AGBL1: variants seen among roughly 807,000 people sequenced by gnomAD.
The protein encoded by AGBL1 is cytosolic carboxypeptidase 4.
AGBL1 carries 130 observed loss-of-function variants against 118.9 expected under a neutral mutation model. The ratio of observed to expected loss-of-function variants is 1.09; its 90% CI spans 0.95 to 1.26. The LOEUF is 1.26. Among genes scored for constraint, AGBL1 ranks in the 50% most tolerant of loss-of-function variants. The pLI is 0.00. For missense variants in AGBL1, 1,584 were observed against 1,298.1 expected, an observed-to-expected ratio of 1.22 and a Z score of -3.38; for synonymous variants, 555 against 478.9, an observed-to-expected ratio of 1.16 and a Z score of -2.08.
At position 86,913,037 on chromosome 15, in the gene AGBL1, T is replaced by G. The variant is rs542710898; in HGVS notation, c.*5743T>G. ...GTTCTTTAGAAAAGAAAAAATAGAG[T>G]GGTAAAAGGGAATTTTGAGATAAAA... On this transcript the variant is annotated 3_prime_UTR_variant, in exon 23 of 23. Coordinates refer to ENST00000614907, the MANE Select transcript of AGBL1 (RefSeq NM_001386094.1). The G allele has an allele frequency of 5.3e-5, 8 of 151,972 alleles. No homozygotes were observed. The East Asian group carries it at 1.4e-3, about 26-fold the overall frequency. 9.4% of individuals were successfully genotyped at this position (151,972 alleles called of 1,614,324 possible).
chr15:86,788,627 A>G (rs1012407480), intron 22 of AGBL1, among the ~76,000 whole-genome samples: 9 of 152,218 alleles, frequency 5.9e-5, no homozygotes, highest in African/African-American at 1.9e-4. Flanking sequence ...TAGTAAATAA[A>G]CATACAAAAT....
chr15:86,859,994 T>C (rs1021280642), intron 22 of AGBL1, among the ~76,000 whole-genome samples: 1 of 152,230 alleles, frequency 6.6e-6, no homozygotes, highest in Non-Finnish European at 1.5e-5. Flanking sequence ...TAGTTGAACA[T>C]GTTCAGGCAT....
At chr15:87,031,135 C>T (rs1001479712), downstream of AGBL1, among the ~76,000 whole-genome samples, 2 of 151,960 alleles carry the variant, frequency 1.3e-5, no homozygotes, top group Non-Finnish European at 2.9e-5. Flanking sequence ...TTCAACCTTC[C>T]CTTATCTTTT....
intron 1 of AGBL1, among the ~76,000 whole-genome samples, chr15:86,095,014 A>G (rs1896266943): frequency 6.6e-6 from 1 of 152,152 alleles, no homozygotes; most frequent in African/African-American, 2.4e-5. Context: ...AGGTTTGATA[A>G]TTTGCTAGAA....
At chr15:86,526,569 T>TATATATATAC (rs1285054842) in intron 19 of AGBL1, among the ~76,000 whole-genome samples, 1 of 133,940 alleles carries the variant, frequency 7.5e-6, no homozygotes, top group African/African-American at 3.1e-5. Context: ...TATATATATA[T>TATATATATAC]ATATACACAC....
At chr15:86,666,344 CAAAG>C (rs1348584069) in intron 21 of AGBL1, among the ~76,000 whole-genome samples, 2 of 152,028 alleles carry the variant, frequency 1.3e-5, no homozygotes, top group Admixed American at 6.6e-5. Context: ...CTGGTTTAAA[CAAAG>C]AAAATTGATT....
intron 22 of AGBL1, among the ~76,000 whole-genome samples, chr15:86,687,603 A>C (rs2086082912): frequency 6.6e-6 from 1 of 152,160 alleles, no homozygotes; most frequent in South Asian, 2.1e-4. Flanking sequence ...TGGCCTGTGA[A>C]TAGACAAATC....
intron 5 of AGBL1, among the ~76,000 whole-genome samples, chr15:86,160,310 A>G (rs981959622): frequency 2.0e-5 from 3 of 152,032 alleles, no homozygotes; most frequent in Admixed American, 1.3e-4. Context: ...CTATGATTAT[A>G]TTTTACTCTG....
intron 18 of AGBL1, among the ~76,000 whole-genome samples, chr15:86,415,532 A>G (rs1053905251): frequency 3.9e-5 from 6 of 152,220 alleles, no homozygotes; most frequent in African/African-American, 1.4e-4. Context: ...AAGAACAGTT[A>G]TTATACTTTA....
intron 18 of AGBL1, among the ~76,000 whole-genome samples, chr15:86,487,401 CG>C (rs1212210277): frequency 6.6e-6 from 1 of 151,992 alleles, no homozygotes; most frequent in Non-Finnish European, 1.5e-5. Flanking sequence ...ATGTGCAGAA[CG>C]ATGGTGAAAA....
intron 5 of AGBL1, among the ~76,000 whole-genome samples, chr15:86,182,915 A>C (rs775828979): frequency 6.6e-6 from 1 of 152,218 alleles, no homozygotes; most frequent in Non-Finnish European, 1.5e-5. Context: ...GTCTATACCC[A>C]TAGCAAGAGA....
chr15:86,330,145 G>A (rs1294514363), intron 17 of AGBL1, among the ~76,000 whole-genome samples: 1 of 152,190 alleles, frequency 6.6e-6, no homozygotes, highest in Non-Finnish European at 1.5e-5. Flanking sequence ...CCTGGGAGCT[G>A]AGCAGGGAGT....
chr15:86,579,642 CA>C (rs1357707309), intron 21 of AGBL1, among the ~76,000 whole-genome samples: 2 of 152,108 alleles, frequency 1.3e-5, no homozygotes, highest in Non-Finnish European at 2.9e-5. Context: ...TTATTTCAGA[CA>C]CAGTAAGAAT....
intron 21 of AGBL1, among the ~76,000 whole-genome samples, chr15:86,625,379 G>GTTTTTT (rs1199638580): frequency 1.7e-5 from 1 of 59,472 alleles, no homozygotes; most frequent in Non-Finnish European, 2.8e-5. Flanking sequence ...TTTTTTTTTT[G>GTTTTTT]TTTTTGTTTT....
Position 86,469,004 on chromosome 15 carries a change from A to G in AGBL1, c.2556-53806A>G, listed in dbSNP as rs11853438. Among the ~76,000 whole-genome samples the G allele has an allele frequency of 8.9e-3, 1,359 of 152,280 alleles. 22 individuals are homozygous for G. The highest frequency in any genetic ancestry group is 0.031 in the African/African-American group (1,281 of 41,566). ...TGCACAATGTGATGTTTAGATATATATATTCATTGTGAAATGGTTAAATGC... is the reference window on the plus strand; with the variant it reads ...TGCACAATGTGATGTTTAGATATATGTATTCATTGTGAAATGGTTAAATGC... On this transcript the variant is annotated intron_variant, in intron 18 of 22. Transcript: ENST00000614907.
Position 86,526,083 on chromosome 15 carries a change from G to A in AGBL1, c.2685+3144G>A, listed in dbSNP as rs117235183. On this transcript the variant is annotated intron_variant, in intron 19 of 22. Coordinates refer to ENST00000614907, the MANE Select transcript of AGBL1 (RefSeq NM_001386094.1). ...CGTGAACAGATATTTCTCAAAAGAA[G>A]TTATATGAGTGACCAAGAAACATGA... is the stretch of plus-strand genomic sequence containing the variant. Among the ~76,000 whole-genome samples the A allele has an allele frequency of 9.2e-3, 1,402 of 152,172 alleles. 14 individuals carry two copies. Among genetic ancestry groups the A allele is most frequent in the South Asian group, 0.024 (116 of 4,822 alleles).
intron 22 of AGBL1, among the ~76,000 whole-genome samples, chr15:86,815,957 G>T (rs1392418680): frequency 1.3e-5 from 2 of 152,176 alleles, no homozygotes; most frequent in Non-Finnish European, 2.9e-5. Context: ...TCATGCTTTA[G>T]ACCTGTTGAG....
At position 86,143,707 on chromosome 15, in the gene AGBL1, C is replaced by A. The variant is rs374608767; in HGVS notation, c.124C>A (p.Arg42=). The part of the protein sequence containing the change: ...LGDLLSVGTD[R]RIHYMISKGG... ...CTCCGGTTTCCCCTCAGGCACAGACCGGAGAATTCACTACATGATCAGCAA... is the reference window on the plus strand; with the variant it reads ...CTCCGGTTTCCCCTCAGGCACAGACAGGAGAATTCACTACATGATCAGCAA... The change falls in exon 3 of 23, where the codon CGG becomes AGG. Residue 42 remains arginine (R), a synonymous_variant. Transcript: ENST00000614907. 2 of 1,613,554 alleles carry A rather than the reference C, an allele frequency of 1.2e-6. No homozygotes were observed. The highest frequency in any genetic ancestry group is 1.1e-5 in the South Asian group (1 of 91,064).
chr15:86,429,461 T>C (rs1244869721), intron 18 of AGBL1, among the ~76,000 whole-genome samples: 1 of 152,228 alleles, frequency 6.6e-6, no homozygotes, highest in Non-Finnish European at 1.5e-5. Flanking sequence ...TTGAGCATAA[T>C]AGACTGTCAG....
Sources: allele counts gnomAD v4.1 joint callset (sites outside exome capture counted in the v4.1 genomes callset), GRCh38; gene constraint gnomAD v4.1.1; transcripts MANE v1.5; gene names NCBI Gene and HGNC (gene_info 2026-07-23, HGNC 2026-07-21).